ITGAD: variants seen among roughly 807,000 people sequenced by gnomAD.
ITGAD encodes the protein integrin alpha-D.
A neutral mutation model predicts 139.0 loss-of-function variants in ITGAD; 105 were observed. The observed-to-expected ratio is 0.76, with a 90% CI of 0.65 to 0.89. The LOEUF (loss-of-function observed/expected upper bound fraction) is 0.89. Ranked by LOEUF, ITGAD falls within the 40% of genes least tolerant of loss-of-function variation. ITGAD has a pLI of 0.00. For missense variants in ITGAD, 1,384 were observed against 1,487.3 expected (o/e 0.93, Z 1.14); for synonymous variants, 569 against 598.3 (o/e 0.95, Z 0.71).
chr16:31,404,861 TCTCCCTTCC>T (rs1323982772), intron 7 of ITGAD, among the ~76,000 whole-genome samples: 3 of 150,418 alleles, frequency 2.0e-5, no homozygotes, highest in Non-Finnish European at 3.0e-5. Flanking sequence ...TTCCTCCCTT[TCTCCCTTCC>T]CTCCCTTCCC....
Position 31,411,324 on chromosome 16 carries a change from G to A in ITGAD, c.1514G>A (p.Cys505Tyr). Residue 505 changes from cysteine to tyrosine, a missense_variant, in exon 14 of 30, where the codon TGT (cysteine) becomes TAT (tyrosine). Coordinates refer to ENST00000389202, the MANE Select transcript of ITGAD (RefSeq NM_005353.3). ...GTTCAGCAGAGGGTGCAGTGGCAGT[G>A]TGACGCTGTTCTCCGTGGTGAGCAG... ...PLPRGRVQWQ[C>Y]DAVLRGEQGH... 6.2e-7 allele frequency: 1 copy of A among 1,613,340 alleles called. No homozygotes were observed. Among genetic ancestry groups the A allele is most frequent in the Non-Finnish European group, 8.5e-7 (1 of 1,179,450 alleles).
intron 7 of ITGAD, chr16:31,404,637 G>A (rs1021593564): frequency 5.3e-5 from 8 of 152,336 alleles, no homozygotes; most frequent in African/African-American, 1.9e-4. Flanking sequence ...GAATGAGGCA[G>A]GGGTGACCGA....
At chr16:31,407,272 T>C (rs1003393905) in intron 7 of ITGAD, among the ~76,000 whole-genome samples, 1 of 152,264 alleles carries the variant, frequency 6.6e-6, no homozygotes, top group Admixed American at 6.5e-5. Context: ...GAGAATCACT[T>C]GAACCCGGGA....
chr16:31,415,740 A>G (rs537974713), intron 18 of ITGAD, among the ~76,000 whole-genome samples: 2 of 152,238 alleles, frequency 1.3e-5, no homozygotes, highest in African/African-American at 4.8e-5. Context: ...TCTGAAGGCC[A>G]CACTCAGCAT....
In ITGAD at chr16:31,403,930, C is replaced by T. The variant is rs1349809800; in HGVS notation, c.704+285C>T. Reference sequence around the variant, plus strand: ...CCCCACCCCACAGCAGCCAGAGGCCCGGGCTTTGGCTCAGACACATCAGGC... The same window carrying T: ...CCCCACCCCACAGCAGCCAGAGGCCTGGGCTTTGGCTCAGACACATCAGGC... On this transcript the variant is annotated intron_variant, in intron 7 of 29. Transcript: ENST00000389202. This position sits in a 1 kb window ranked among gnomAD's most constrained non-coding sequence, Gnocchi z 4.4. 22 of 432,294 alleles carry T rather than the reference C, an allele frequency of 5.1e-5. No homozygotes were observed. Among genetic ancestry groups the T allele is most frequent in the East Asian group, 1.8e-4 (4 of 22,416 alleles). The allele number at this position is 432,294 out of a possible 1,614,324, so 26.8% of individuals were successfully genotyped here. A position where few individuals can be genotyped will look rare whatever the true frequency, so the allele number is the denominator to read the frequency against.
intron 7 of ITGAD, among the ~76,000 whole-genome samples, chr16:31,405,706 G>A (rs1177217657): frequency 1.4e-5 from 2 of 144,600 alleles, no homozygotes; most frequent in Non-Finnish European, 1.5e-5. Context: ...GCGGTGGCAC[G>A]ATCACGGCTC....
In ITGAD at chr16:31,407,757, C is replaced by G; in HGVS notation, c.859-9C>G. 6.2e-7 allele frequency: 1 copy of G among 1,613,906 alleles called. No individual in the cohort carries two copies. Among genetic ancestry groups the G allele is most frequent in the Non-Finnish European group, 8.5e-7 (1 of 1,179,788 alleles). On this transcript the variant is annotated splice_polypyrimidine_tract_variant and intron_variant, in intron 8 of 29. Coordinates refer to ENST00000389202, the MANE Select transcript of ITGAD (RefSeq NM_005353.3). ...GGGCTCATCCTCCTCGGCTGTCTCT[C>G]TGCTGCAGGTGGGACACGCTTTCCA...
rs1367980043 is a variant in ITGAD at position 31,403,789 on chromosome 16, C to A, written c.704+144C>A. On this transcript the variant is annotated intron_variant, in intron 7 of 29. Coordinates refer to ENST00000389202, the MANE Select transcript of ITGAD (RefSeq NM_005353.3). The surrounding 1 kb of genome is among the most constrained non-coding windows in gnomAD (Gnocchi z 4.4). Reference sequence around the variant, plus strand: ...CATGTCGGGGCTGCAGGGAGAACCTCCCCCCGGGGTGCTCCTGGTTGCCTC... The same window carrying A: ...CATGTCGGGGCTGCAGGGAGAACCTACCCCCGGGGTGCTCCTGGTTGCCTC... 3.9e-6 allele frequency: 4 copies of A among 1,018,280 alleles called. No individual in the cohort carries two copies. The highest frequency in any genetic ancestry group is 5.7e-6 in the Non-Finnish European group (4 of 704,708). The allele number at this position is 1,018,280 out of a possible 1,614,324, so 63.1% of individuals were successfully genotyped here.
In ITGAD at chr16:31,426,415, G is replaced by A. The variant is rs965499033; in HGVS notation, c.*287G>A. On this transcript the variant is annotated 3_prime_UTR_variant, in exon 30 of 30. Transcript: ENST00000389202. ...GATGTTTATAGCACACTTTCCTTGC[G>A]TGGAAGAGCTATAACCCAGGGACCT... The A allele has an allele frequency of 6.5e-6, 2 of 306,484 alleles. No homozygotes were observed. Among genetic ancestry groups the A allele is most frequent in the African/African-American group, 2.2e-5 (1 of 45,892 alleles). The allele number at this position is 306,484 out of a possible 1,614,324, so 19.0% of individuals were successfully genotyped here.
intron 2 of ITGAD, among the ~76,000 whole-genome samples, chr16:31,396,617 T>C (rs1283677182): frequency 6.6e-6 from 1 of 152,226 alleles, no homozygotes; most frequent in African/African-American, 2.4e-5. Context: ...ACAGGGATTG[T>C]AGCTTTCTGT....
rs773377937 is a variant in ITGAD, at chr16:31,423,479, C to T, written c.2967+20C>T. ...TCTCAGGTACCCGCCTATCTCTCCT[C>T]TTTCTTCAGACTGACATCCCACAGC... On this transcript the variant is annotated intron_variant, in intron 25 of 29. Coordinates refer to ENST00000389202, the MANE Select transcript of ITGAD (RefSeq NM_005353.3). 1 of 1,609,810 alleles carries T rather than the reference C, an allele frequency of 6.2e-7. No individual in the cohort carries two copies. The highest frequency in any genetic ancestry group is 1.7e-5 in the Admixed American group (1 of 60,026).
At chr16:31,394,796 T>C (rs1167661317) in intron 2 of ITGAD, among the ~76,000 whole-genome samples, 4 of 152,348 alleles carry the variant, frequency 2.6e-5, no homozygotes, top group African/African-American at 9.6e-5. Flanking sequence ...CTCAGCCTCC[T>C]GAATAGCTGG....
intron 9 of ITGAD, 89 bp downstream of exon 9, chr16:31,408,005 C>T (rs928229469): frequency 1.5e-6 from 2 of 1,366,046 alleles, no homozygotes; most frequent in Admixed American, 4.8e-5. Flanking sequence ...TGGAGTCTCA[C>T]TTTGTCCCCA....
intron 16 of ITGAD, 121 bp downstream of exon 16, chr16:31,413,367 C>A: frequency 9.2e-7 from 1 of 1,083,262 alleles, no homozygotes; most frequent in Admixed American, 2.6e-5. Flanking sequence ...ACCACCTGTG[C>A]CAGAAACCTG....
In ITGAD at chr16:31,422,106, T is replaced by C. The variant is rs1380358312; in HGVS notation, c.2781-1008T>C. ...CCACCACTTGCAGCTAATGTTTGTA[T>C]TTTTTTTTTTTTTTGCAGAGACGAG... On this transcript the variant is annotated intron_variant, in intron 23 of 29. Transcript: ENST00000389202. 8.4e-5 allele frequency among the ~76,000 whole-genome samples: 9 copies of C among 107,106 alleles called. No homozygotes were observed. In the South Asian group the frequency reaches 2.6e-3, roughly 31 times the overall value. 70.3% of individuals were successfully genotyped at this position (107,106 alleles called of 152,430 possible).
At chr16:31,415,287 A>C (rs1177743275) in intron 18 of ITGAD, among the ~76,000 whole-genome samples, 2 of 151,780 alleles carry the variant, frequency 1.3e-5, no homozygotes, top group Non-Finnish European at 2.9e-5. Context: ...CCTCCCACCC[A>C]TTTTCCATAG....
chr16:31,412,689 C>T, intron 14 of ITGAD, 149 bp from the exon 15 acceptor site: 2 of 963,478 alleles, frequency 2.1e-6, no homozygotes, highest in Admixed American at 2.2e-5. Flanking sequence ...CTCCTACCTC[C>T]TCTTTTCAGG....
intron 2 of ITGAD, 149 bp downstream of exon 2, chr16:31,394,490 ACCTATTATTCTCAATC>A: frequency 1.7e-6 from 1 of 574,598 alleles, no homozygotes; most frequent in South Asian, 2.0e-5. Context: ...TGACATCAGC[ACCTATTATTCTCAATC>A]CCAGGAAAGG....
At chr16:31,396,350 G>A (rs928284853) in intron 2 of ITGAD, among the ~76,000 whole-genome samples, 1 of 152,196 alleles carries the variant, frequency 6.6e-6, no homozygotes, top group African/African-American at 2.4e-5. Flanking sequence ...GCAGGTGCCT[G>A]TAATCCCAGC....
Sources: allele counts gnomAD v4.1 joint callset (sites outside exome capture counted in the v4.1 genomes callset), GRCh38; gene constraint gnomAD v4.1.1; non-coding constraint Gnocchi (gnomAD v3.1); transcripts MANE v1.5; gene names NCBI Gene and HGNC (gene_info 2026-07-23, HGNC 2026-07-21).